The following SLC30A8 variants were observed in gnomAD, a reference collection of about 807,000 sequenced individuals.
SLC30A8 encodes solute carrier family 30 member 8.
A neutral mutation model predicts 36.9 loss-of-function variants in SLC30A8; 27 were observed. The observed-to-expected ratio is 0.73, with a 90% CI of 0.54 to 1.01. The LOEUF (loss-of-function observed/expected upper bound fraction) is 1.01. Among genes scored for constraint, SLC30A8 ranks in the 50% least tolerant of loss-of-function variants. The pLI is 0.00. For missense variants in SLC30A8, 439 were observed against 452.0 expected (o/e 0.97, Z 0.26); for synonymous variants, 164 against 172.4 (o/e 0.95, Z 0.38).
In SLC30A8 at chr8:117,171,056, C is replaced by A. The variant is rs536157462; in HGVS notation, c.852C>A (p.Tyr284Ter). The A allele has an allele frequency of 1.6e-5, 25 of 1,606,850 alleles. No homozygotes were observed. The South Asian group carries it at 2.6e-4, about 16-fold the overall frequency. Reference sequence around the variant, plus strand: ...CAGGTGTGCCAAAGAGCCTGAATTACAGTGGTGTGAAAGAGCTTATTTTAG... The same window carrying A: ...CAGGTGTGCCAAAGAGCCTGAATTAAAGTGGTGTGAAAGAGCTTATTTTAG... ...LMEGVPKSLN[Y>*]SGVKELILAV... is the part of the protein sequence containing the mutation. The change falls in exon 7 of 8, where the codon TAC becomes TAA. Residue 284 changes from tyrosine to a stop codon, truncating the protein, a stop_gained. Coordinates refer to ENST00000456015, the MANE Select transcript of SLC30A8 (RefSeq NM_173851.3). LOFTEE classifies it high-confidence loss of function.
At chr8:117,008,066 A>G (rs1816237610) in intron 1 of SLC30A8, among the ~76,000 whole-genome samples, 2 of 152,222 alleles carry the variant, frequency 1.3e-5, no homozygotes, top group Admixed American at 6.5e-5. Flanking sequence ...GGTAGTGGCA[A>G]AACCCATATT....
At chr8:117,118,977 G>A (rs1367952507) in intron 2 of SLC30A8, among the ~76,000 whole-genome samples, 4 of 151,902 alleles carry the variant, frequency 2.6e-5, no homozygotes, top group Admixed American at 2.6e-4. Context: ...CTCTGAGACA[G>A]GCCTAATGTC....
chr8:117,057,947 T>A (rs1433003383), intron 2 of SLC30A8, among the ~76,000 whole-genome samples: 3 of 152,188 alleles, frequency 2.0e-5, no homozygotes, highest in Admixed American at 6.5e-5. Flanking sequence ...CTATTTTTAA[T>A]TTTTTGAGGA....
chr8:117,066,684 A>G (rs1295573430), intron 2 of SLC30A8, among the ~76,000 whole-genome samples: 1 of 152,046 alleles, frequency 6.6e-6, no homozygotes, highest in Non-Finnish European at 1.5e-5. Context: ...AGATCCAATC[A>G]TCTCATAGTG....
At chr8:117,149,139 G>T (rs978003233) in intron 2 of SLC30A8, among the ~76,000 whole-genome samples, 1 of 152,158 alleles carries the variant, frequency 6.6e-6, no homozygotes, top group African/African-American at 2.4e-5. Context: ...GCTTCTTGAA[G>T]GGTTAAGTGT....
intron 1 of SLC30A8, among the ~76,000 whole-genome samples, chr8:117,008,520 A>C (rs78201357): frequency 1.3e-3 from 195 of 152,304 alleles, no homozygotes; most frequent in East Asian, 5.6e-3. Flanking sequence ...GAGCAACCTC[A>C]TTCTGTCTGA....
chr8:117,071,737 A>G (rs114567774), intron 2 of SLC30A8, among the ~76,000 whole-genome samples: 4,467 of 152,268 alleles, frequency 0.029, 148 homozygotes, highest in African/African-American at 0.085. Flanking sequence ...GTGGTGTAAG[A>G]TAAGGATCTA....
intron 1 of SLC30A8, among the ~76,000 whole-genome samples, chr8:117,145,355 C>G (rs1045204739): frequency 6.6e-6 from 1 of 151,548 alleles, no homozygotes; most frequent in Non-Finnish European, 1.5e-5. Flanking sequence ...TTTCCCTCTA[C>G]TTTGTGATTT....
chr8:116,958,843 T>A (rs1187595212), intron 1 of SLC30A8, among the ~76,000 whole-genome samples: 2 of 115,668 alleles, frequency 1.7e-5, no homozygotes, highest in Non-Finnish European at 3.5e-5. Context: ...CTCTTTTCAT[T>A]TTTTTTTTTT....
chr8:117,095,164 C>G (rs1482973386), intron 2 of SLC30A8, among the ~76,000 whole-genome samples: 2 of 152,192 alleles, frequency 1.3e-5, no homozygotes, highest in East Asian at 1.9e-4. Flanking sequence ...CTCCCAGCCC[C>G]CGTTGGCTCT....
chr8:116,965,649 A>G (rs1466252740), intron 1 of SLC30A8, among the ~76,000 whole-genome samples: 1 of 152,262 alleles, frequency 6.6e-6, no homozygotes, highest in East Asian at 1.9e-4. Flanking sequence ...AAGCTCCAGC[A>G]TCTTCTGAAT....
chr8:117,155,660 A>G (rs1248595327), intron 3 of SLC30A8, among the ~76,000 whole-genome samples: 3 of 152,168 alleles, frequency 2.0e-5, no homozygotes, highest in African/African-American at 7.2e-5. Flanking sequence ...GTAATAATAT[A>G]TTACATTACT....
chr8:117,006,018 C>T (rs1586388157), intron 1 of SLC30A8, among the ~76,000 whole-genome samples: 1 of 152,194 alleles, frequency 6.6e-6, no homozygotes, highest in South Asian at 2.1e-4. Context: ...GGTGGTTGGA[C>T]CAGCAGTCAA....
intron 2 of SLC30A8, among the ~76,000 whole-genome samples, chr8:117,050,369 A>C (rs1817671993): frequency 6.6e-6 from 1 of 151,698 alleles, no homozygotes; most frequent in African/African-American, 2.4e-5. Context: ...GGATTAATGG[A>C]AACTGATTTC....
At chr8:117,141,542 C>T (rs1287646179) in intron 1 of SLC30A8, among the ~76,000 whole-genome samples, 3 of 152,050 alleles carry the variant, frequency 2.0e-5, no homozygotes, top group Non-Finnish European at 2.9e-5. Context: ...AAACTTGCAG[C>T]TCATATCATA....
chr8:117,151,046 C>G (rs1184477561), intron 2 of SLC30A8, among the ~76,000 whole-genome samples: 1 of 152,200 alleles, frequency 6.6e-6, no homozygotes, highest in East Asian at 1.9e-4. Flanking sequence ...AACCTGCCTT[C>G]CCAGGCTCAT....
chr8:117,152,318 CCAGGCAGGACTCT>C (rs982242915), intron 2 of SLC30A8, among the ~76,000 whole-genome samples: 13 of 152,116 alleles, frequency 8.5e-5, no homozygotes, highest in Admixed American at 7.9e-4. Flanking sequence ...AAGGGAAAAG[CCAGGCAGGACTCT>C]CATGGCTTAC....
chr8:117,147,525 T>C (rs1821952818), intron 2 of SLC30A8: 1 of 174,752 alleles, frequency 5.7e-6, no homozygotes, highest in Non-Finnish European at 1.2e-5. Context: ...CACTGTAATT[T>C]ACATAACCAT....
intron 1 of SLC30A8, among the ~76,000 whole-genome samples, chr8:117,035,649 C>T (rs975612122): frequency 1.4e-4 from 21 of 152,252 alleles, no homozygotes; most frequent in Admixed American, 6.5e-5. Context: ...TCACACCACA[C>T]ATTTCCCTTT....
Sources: gnomAD v4.1 joint callset for allele counts (sites outside exome capture counted in the v4.1 genomes callset) on GRCh38, gnomAD v4.1.1 for gene constraint, MANE v1.5 for transcripts, NCBI Gene and HGNC (gene_info 2026-07-23, HGNC 2026-07-21) for gene names.